Variants in CMYA5 observed in about 807,000 individuals in gnomAD.
CMYA5 encodes the protein cardiomyopathy associated 5.
Under a neutral mutation model 318.9 loss-of-function variants are expected in CMYA5, and 246 were observed. The ratio of observed to expected loss-of-function variants is 0.77; its 90% CI spans 0.70 to 0.86. The LOEUF (loss-of-function observed/expected upper bound fraction) is 0.86. Ranked by LOEUF, CMYA5 falls within the 40% of genes least tolerant of loss-of-function variation. The probability of loss-of-function intolerance (pLI) is 0.00; values close to 1 mark genes in which losing one functional copy is unlikely to be tolerated. For missense variants in CMYA5, 4,589 were observed against 4,678.2 expected (o/e 0.98, Z 0.56); for synonymous variants, 1,641 against 1,729.5 (o/e 0.95, Z 1.27).
chr5:79,709,611 C>T (rs556265129), intron 1 of CMYA5, among the ~76,000 whole-genome samples: 2 of 150,548 alleles, frequency 1.3e-5, no homozygotes, highest in Non-Finnish European at 3.0e-5. Context: ...TCAGAGTCCA[C>T]ATTGCAACTA....
At chr5:79,727,090 A>G (rs946104602) in intron 1 of CMYA5, among the ~76,000 whole-genome samples, 10 of 151,214 alleles carry the variant, frequency 6.6e-5, no homozygotes, top group African/African-American at 2.4e-4. Context: ...TAATTTTTGT[A>G]TTTTTCGTAG....
At chr5:79,695,111 G>A (rs1258795901) in intron 1 of CMYA5, among the ~76,000 whole-genome samples, 1 of 152,232 alleles carries the variant, frequency 6.6e-6, no homozygotes, top group African/African-American at 2.4e-5. Flanking sequence ...CATAGTCCCT[G>A]GATATTCTGA....
Position 79,729,276 on chromosome 5 carries a change from A to G in CMYA5, c.511A>G (p.Thr171Ala), listed in dbSNP as rs1321157826. 1 of 1,611,192 alleles carries G rather than the reference A, an allele frequency of 6.2e-7. No individual in the cohort carries two copies. The highest frequency in any genetic ancestry group is 8.5e-7 in the Non-Finnish European group (1 of 1,179,196). Residue 171 changes from threonine (T) to alanine (A), a missense_variant, in exon 2 of 13, where the codon ACT (threonine) becomes GCT (alanine). By Grantham distance (58) the Thr-to-Ala change is moderately conservative (BLOSUM62 0). Transcript: ENST00000446378. ...VPTNKKGSPLTSASQVLTTEK... is the reference protein window; with the variant it reads ...VPTNKKGSPLASASQVLTTEK... The stretch of plus-strand genomic sequence containing the variant: ...AACAAACAAAAAAGGCAGTCCTTTA[A>G]CTTCAGCAAGCCAGGTACTAACCAC...
chr5:79,713,303 A>AC (rs1349582726), intron 1 of CMYA5, among the ~76,000 whole-genome samples: 22 of 17,224 alleles, frequency 1.3e-3, no homozygotes, highest in Non-Finnish European at 1.8e-3. Flanking sequence ...CCCCGCCCCC[A>AC]CCCCCCACCC....
In CMYA5 at chr5:79,731,267, A is replaced by G. The variant is rs753954008; in HGVS notation, c.2502A>G (p.Ser834=). Residue 834 remains serine (S), a synonymous_variant, in exon 2 of 13, where the codon TCA becomes TCG. Transcript: ENST00000446378. Reference sequence around the variant, plus strand: ...GTATTTCTGAGCACACAGTTCTGTCAGTAGACGGCAAGGAGGTCATTGGAC... The same window carrying G: ...GTATTTCTGAGCACACAGTTCTGTCGGTAGACGGCAAGGAGGTCATTGGAC... The part of the protein sequence containing the change: ...PKGISEHTVL[S]VDGKEVIGPS... 1 of 1,614,038 alleles carries G rather than the reference A, an allele frequency of 6.2e-7. No individual in the cohort carries two copies. The highest frequency in any genetic ancestry group is 8.5e-7 in the Non-Finnish European group (1 of 1,179,888).
rs7721884 is a variant in CMYA5, at chr5:79,735,912, A to G, written c.7147A>G (p.Lys2383Glu). ...KSLLSFDVVD[K>E]VPQQPKSASS... is the part of the protein sequence containing the mutation. ...ACTCCTTTCATTTGATGTAGTAGATAAGGTGCCACAACAGCCAAAATCAGC... is the reference window on the plus strand; with the variant it reads ...ACTCCTTTCATTTGATGTAGTAGATGAGGTGCCACAACAGCCAAAATCAGC... Residue 2383 changes from lysine (K) to glutamate (E), a missense_variant, in exon 2 of 13, where the codon AAG becomes GAG. By Grantham distance (56) the Lys-to-Glu change is moderately conservative. Coordinates refer to ENST00000446378, the MANE Select transcript of CMYA5 (RefSeq NM_153610.5). The G allele has an allele frequency of 2.3e-3, 3,750 of 1,603,900 alleles. 60 individuals carry two copies. In the African/African-American group the frequency reaches 0.043, roughly 18 times the overall value.
Position 79,793,616 on chromosome 5 carries a change from C to T in CMYA5, c.11963+6C>T, listed in dbSNP as rs111662494. 418 of 1,585,912 alleles carry T rather than the reference C, an allele frequency of 2.6e-4. 3 individuals are homozygous for T. The African/African-American group carries it at 4.3e-3, about 16-fold the overall frequency. On this transcript the variant is annotated splice_donor_region_variant and intron_variant, in intron 12 of 12. Transcript: ENST00000446378. ...CACTGCTCTGAGCCACAGAGGTAAG[C>T]GAGCCCTTCCCCTCCCCTCTTCATC...
chr5:79,774,318 G>A (rs756044298), intron 9 of CMYA5: 1 of 152,178 alleles, frequency 6.6e-6, no homozygotes, highest in East Asian at 1.9e-4. Flanking sequence ...CGGCTTGTGC[G>A]CGGGGGCTGA....
At chr5:79,797,537 G>C (rs974929815) in intron 12 of CMYA5, among the ~76,000 whole-genome samples, 3 of 152,036 alleles carry the variant, frequency 2.0e-5, no homozygotes, top group African/African-American at 7.2e-5. Context: ...TATTCAAATG[G>C]CCCTCCTGGT....
intron 2 of CMYA5, among the ~76,000 whole-genome samples, chr5:79,740,490 T>C (rs1828188940): frequency 6.6e-6 from 1 of 152,260 alleles, no homozygotes; most frequent in Non-Finnish European, 1.5e-5. Context: ...AGACATTTCA[T>C]TGCAAGTTAT....
chr5:79,786,405 T>C (rs1207474637), intron 9 of CMYA5, among the ~76,000 whole-genome samples: 3 of 152,242 alleles, frequency 2.0e-5, no homozygotes, highest in Non-Finnish European at 4.4e-5. Context: ...TATTATTGGC[T>C]GTAGACTTCC....
intron 1 of CMYA5, among the ~76,000 whole-genome samples, chr5:79,704,996 G>A (rs1827244030): frequency 6.6e-6 from 1 of 152,194 alleles, no homozygotes; most frequent in African/African-American, 2.4e-5. Flanking sequence ...CTCCTGGCTT[G>A]GCGCAGTGGC....
intron 1 of CMYA5, among the ~76,000 whole-genome samples, chr5:79,723,898 A>G (rs1052317465): frequency 4.6e-5 from 7 of 152,246 alleles, no homozygotes; most frequent in African/African-American, 1.2e-4. Context: ...AGTATAATGT[A>G]TCACAGCCAT....
intron 11 of CMYA5, 88 bp downstream of exon 11, chr5:79,791,157 T>C (rs1829171541): frequency 2.5e-6 from 2 of 795,174 alleles, no homozygotes; most frequent in Non-Finnish European, 4.3e-6. Context: ...CCGCTGAGCA[T>C]ATTCATGGTG....
At chr5:79,691,187 C>T (rs986390301) in intron 1 of CMYA5, among the ~76,000 whole-genome samples, 2 of 152,066 alleles carry the variant, frequency 1.3e-5, no homozygotes, top group African/African-American at 2.4e-5. Context: ...GCTGGAGCTG[C>T]CTTGAAGTAG....
chr5:79,740,092 A>G (rs946516294), intron 2 of CMYA5, among the ~76,000 whole-genome samples: 4 of 152,236 alleles, frequency 2.6e-5, no homozygotes, highest in Non-Finnish European at 4.4e-5. Flanking sequence ...ATCAGGCATT[A>G]TAAGTAATCT....
At chr5:79,784,891 G>A (rs546692209) in intron 9 of CMYA5, among the ~76,000 whole-genome samples, 2 of 151,966 alleles carry the variant, frequency 1.3e-5, no homozygotes, top group Admixed American at 6.6e-5. Context: ...CGTCGCTCAC[G>A]CTGGGAGCTG....
At chr5:79,770,910 G>A (rs1465096599) in intron 9 of CMYA5, among the ~76,000 whole-genome samples, 1 of 151,956 alleles carries the variant, frequency 6.6e-6, no homozygotes, top group East Asian at 1.9e-4. Flanking sequence ...ATATCGGGTG[G>A]GGGACGTTTT....
chr5:79,772,040 A>T (rs1437663478), intron 9 of CMYA5, among the ~76,000 whole-genome samples: 1 of 152,188 alleles, frequency 6.6e-6, no homozygotes, highest in Non-Finnish European at 1.5e-5. Context: ...AAGAAAAGAA[A>T]AGACTCTTTC....
Sources: allele counts gnomAD v4.1 joint callset (sites outside exome capture counted in the v4.1 genomes callset), GRCh38; gene constraint gnomAD v4.1.1; transcripts MANE v1.5; gene names NCBI Gene and HGNC (gene_info 2026-07-23, HGNC 2026-07-21).